The following GYG1 variants were observed in gnomAD, a reference collection of about 807,000 sequenced individuals.
GYG1 encodes the protein glycogenin 1, also known as glycogenin-1.
GYG1 carries 44 observed loss-of-function variants against 41.9 expected under a neutral mutation model. That is an observed-to-expected ratio of 1.05 (90% CI 0.83 to 1.35). The LOEUF (loss-of-function observed/expected upper bound fraction) is 1.35. Ranked by LOEUF, GYG1 falls within the 40% of genes most tolerant of loss-of-function variation. GYG1 has a pLI of 0.00. For missense variants in GYG1, 429 were observed against 418.9 expected (o/e 1.02, Z -0.21); for synonymous variants, 141 against 158.1 (o/e 0.89, Z 0.81).
In GYG1 at chr3:149,030,994, C is replaced by T. The variant is rs774418904; in HGVS notation, c.*4061C>T. 10 of 152,134 alleles carry T rather than the reference C, an allele frequency of 6.6e-5. No homozygotes were observed. Among genetic ancestry groups the T allele is most frequent in the Non-Finnish European group, 1.5e-4 (10 of 68,032 alleles). 9.4% of individuals were successfully genotyped at this position (152,134 alleles called of 1,614,324 possible). A position where few individuals can be genotyped will look rare whatever the true frequency, so the allele number is the denominator to read the frequency against. On this transcript the variant is annotated 3_prime_UTR_variant, in exon 8 of 8. Coordinates refer to ENST00000345003, the MANE Select transcript of GYG1 (RefSeq NM_004130.4). ...ATCTGTATCATCAAACATGAAGCTT[C>T]TCTTGTTTGTTAGAGTAATTAATCT...
At chr3:148,996,603 T>C (rs1006685642) in intron 3 of GYG1, 127 bp downstream of exon 3, 12 of 1,189,546 alleles carry the variant, frequency 1.0e-5, no homozygotes, top group Admixed American at 3.5e-5. Flanking sequence ...TCATGAAATA[T>C]GTCAGGGGAT....
chr3:149,002,944 C>T (rs1393992642), intron 4 of GYG1, among the ~76,000 whole-genome samples: 1 of 151,858 alleles, frequency 6.6e-6, no homozygotes, highest in East Asian at 1.9e-4. Flanking sequence ...TCACTTGAAC[C>T]CTGGAAGCAG....
At chr3:149,019,078 A>G (rs1714222771) in intron 5 of GYG1, among the ~76,000 whole-genome samples, 1 of 151,620 alleles carries the variant, frequency 6.6e-6, no homozygotes. Flanking sequence ...TAAAAAAAAA[A>G]AAAAAAAAAG....
Position 149,029,398 on chromosome 3 carries a change from T to G in GYG1, c.*2465T>G, listed in dbSNP as rs1427411624. The stretch of plus-strand genomic sequence containing the variant: ...AAGACAAACTTGCCCACAACAGAGG[T>G]CAAATCCATGCCTTTGGAGATTAGC... On this transcript the variant is annotated 3_prime_UTR_variant, in exon 8 of 8. Coordinates refer to ENST00000345003, the MANE Select transcript of GYG1 (RefSeq NM_004130.4). Among the ~76,000 whole-genome samples, 3 of 152,158 alleles carry G rather than the reference T, an allele frequency of 2.0e-5. No homozygotes were observed. Among genetic ancestry groups the G allele is most frequent in the Non-Finnish European group, 4.4e-5 (3 of 68,028 alleles).
At chr3:149,012,499 G>T (rs1021663679) in intron 5 of GYG1, among the ~76,000 whole-genome samples, 6 of 152,160 alleles carry the variant, frequency 3.9e-5, no homozygotes, top group Non-Finnish European at 7.4e-5. Context: ...TAGAGTTTTG[G>T]ATATCTAGAA....
chr3:149,001,222 C>T (rs1018176398), intron 4 of GYG1: 1 of 152,196 alleles, frequency 6.6e-6, no homozygotes, highest in African/African-American at 2.4e-5. Flanking sequence ...TGACTTCCCC[C>T]AGCCACCCAA....
chr3:148,994,365 CTT>C, intron 2 of GYG1, 88 bp downstream of exon 2: 6 of 1,404,500 alleles, frequency 4.3e-6, no homozygotes, highest in South Asian at 1.2e-5. Flanking sequence ...AGGCCATGCT[CTT>C]TTCAGGAATT....
At chr3:149,011,943 G>T (rs1045211530) in intron 5 of GYG1, among the ~76,000 whole-genome samples, 1 of 152,126 alleles carries the variant, frequency 6.6e-6, no homozygotes, top group African/African-American at 2.4e-5. Context: ...ACGTTTCTGT[G>T]ATAAGGCTGC....
rs140018191 is a variant in GYG1 at position 149,020,952 on chromosome 3, G to T, written c.609-3101G>T. ...TAGGCTTATGGGTTTGTATTGCTAG[G>T]ATGGGGCAGTGCCTTCCCTCCACTC... On this transcript the variant is annotated intron_variant, in intron 5 of 7. Transcript: ENST00000345003. 2.7e-3 allele frequency among the ~76,000 whole-genome samples: 413 copies of T among 152,266 alleles called. 1 individual carries two copies. Among genetic ancestry groups the T allele is most frequent in the Non-Finnish European group, 4.4e-3 (300 of 68,014 alleles).
chr3:149,024,677 T>G (rs1035529732), intron 6 of GYG1, among the ~76,000 whole-genome samples: 1 of 152,346 alleles, frequency 6.6e-6, no homozygotes, highest in East Asian at 1.9e-4. Context: ...AGAATGTGTT[T>G]TCAGTGAAAA....
chr3:148,992,986 C>T (rs116029951), intron 1 of GYG1, among the ~76,000 whole-genome samples: 3,488 of 152,036 alleles, frequency 0.023, 147 homozygotes, highest in African/African-American at 0.08. Context: ...CCTTGGAAAA[C>T]GGGCAAGGGA....
rs370928738 is a variant in GYG1 at position 148,994,148 on chromosome 3, C to T, written c.14C>T (p.Ala5Val). 6 of 1,613,064 alleles carry T rather than the reference C, an allele frequency of 3.7e-6. No individual in the cohort carries two copies. In the Admixed American group the frequency reaches 8.3e-5, roughly 22 times the overall value. The change falls in exon 2 of 8, where the codon GCC (alanine) becomes GTC (valine). Residue 5 changes from alanine (A) to valine (V), a missense_variant. By Grantham distance (64) the Ala-to-Val change is moderately conservative. Coordinates refer to ENST00000345003, the MANE Select transcript of GYG1 (RefSeq NM_004130.4). MTDQ[A>V]FVTLTTNDAY... ...TTTTTTTCTTTGTATTAAGATCAGG[C>T]CTTTGTGACACTAACCACAAACGAT...
At chr3:148,998,729 A>G (rs951801115) in intron 4 of GYG1, among the ~76,000 whole-genome samples, 1 of 152,248 alleles carries the variant, frequency 6.6e-6, no homozygotes, top group Admixed American at 6.5e-5. Context: ...AAGCTGTATT[A>G]GCCTTTAAGT....
chr3:148,994,050 T>G (rs978277895), intron 1 of GYG1, 92 bp from the exon 2 acceptor site: 3 of 1,145,470 alleles, frequency 2.6e-6, no homozygotes, highest in Non-Finnish European at 3.9e-6. Context: ...AGGAACTGGT[T>G]TTGCTGAATT....
chr3:149,026,819 G>A lies in GYG1; in HGVS notation c.939G>A (p.Gln313=). The A allele has an allele frequency of 3.7e-6, 6 of 1,613,990 alleles. No individual in the cohort carries two copies. Among genetic ancestry groups the A allele is most frequent in the Non-Finnish European group, 5.1e-6 (6 of 1,179,862 alleles). Residue 313 remains glutamine (Q), a synonymous_variant, in exon 8 of 8, where the codon CAG becomes CAA. Transcript: ENST00000345003. The stretch of plus-strand genomic sequence containing the variant: ...TTGGGGAGATCCCAGCTATGGCACA[G>A]CCGTTTGTATCCTCGGAAGAACGGA... ...LSLGEIPAMA[Q]PFVSSEERKE...
In GYG1 at chr3:149,031,039, CCTTTGAAATAA is replaced by C. The variant is rs933668786; in HGVS notation, c.*4107_*4117del. 4 of 151,988 alleles carry C rather than the reference CCTTTGAAATAA, an allele frequency of 2.6e-5. No individual in the cohort carries two copies. Among genetic ancestry groups the C allele is most frequent in the Admixed American group, 2.6e-4 (4 of 15,254 alleles). The allele number at this position is 151,988 out of a possible 1,614,324, so 9.4% of individuals were successfully genotyped here. ...TAATCTTTCTTTGGATTAAAGTTTC[CCTTTGAAATAA>C]AACCACCTACCTAATCTGACTGCTA... On this transcript the variant is annotated 3_prime_UTR_variant, in exon 8 of 8. Transcript: ENST00000345003.
At chr3:149,000,088 A>G (rs1713008003) in intron 4 of GYG1, among the ~76,000 whole-genome samples, 1 of 152,176 alleles carries the variant, frequency 6.6e-6, no homozygotes, top group Non-Finnish European at 1.5e-5. Context: ...CATTCTTCTA[A>G]TCACCAGCCC....
chr3:148,992,655 C>A (rs1045925296), intron 1 of GYG1: 11 of 152,220 alleles, frequency 7.2e-5, no homozygotes, highest in Admixed American at 7.2e-4. Flanking sequence ...ATTTTTGGTA[C>A]AGATTGACAG....
At chr3:148,997,513 T>C (rs1315349760) in intron 4 of GYG1, among the ~76,000 whole-genome samples, 1 of 152,184 alleles carries the variant, frequency 6.6e-6, no homozygotes, top group Non-Finnish European at 1.5e-5. Context: ...TATAGTTATA[T>C]TTATATAATG....
Sources: gnomAD v4.1 joint callset for allele counts (sites outside exome capture counted in the v4.1 genomes callset) on GRCh38, gnomAD v4.1.1 for gene constraint, MANE v1.5 for transcripts, NCBI Gene and HGNC (gene_info 2026-07-23, HGNC 2026-07-21) for gene names.